CNTNAP2: variants seen among roughly 807,000 people sequenced by gnomAD.
CNTNAP2 encodes the protein contactin associated protein 2, also known as contactin-associated protein-like 2.
CNTNAP2 carries 98 observed loss-of-function variants against 155.2 expected under a neutral mutation model. The ratio of observed to expected loss-of-function variants is 0.63; its 90% CI spans 0.54 to 0.75. The LOEUF (loss-of-function observed/expected upper bound fraction) is 0.75. Among genes scored for constraint, CNTNAP2 ranks in the 30% least tolerant of loss-of-function variants. The pLI is 0.00. For synonymous variants in CNTNAP2, 651 were observed against 631.2 expected (o/e 1.03, Z -0.47); for missense variants, 1,727 against 1,688.1 (o/e 1.02, Z -0.40).
intron 1 of CNTNAP2, among the ~76,000 whole-genome samples, chr7:146,494,455 AG>A (rs1265407290): frequency 1.3e-5 from 2 of 152,154 alleles, no homozygotes; most frequent in African/African-American, 4.8e-5. Flanking sequence ...GAAAAATAAA[AG>A]TTTCCCTGAA....
intron 1 of CNTNAP2, among the ~76,000 whole-genome samples, chr7:146,760,330 A>G (rs907984360): frequency 6.6e-6 from 1 of 150,790 alleles, no homozygotes; most frequent in African/African-American, 2.4e-5. Flanking sequence ...GTCACCTTCT[A>G]AAATATCTTT....
chr7:147,631,440 A>G (rs1795083105), intron 12 of CNTNAP2, among the ~76,000 whole-genome samples: 1 of 152,204 alleles, frequency 6.6e-6, no homozygotes, highest in African/African-American at 2.4e-5. Context: ...AATTTCCATC[A>G]AAGTACCATC....
chr7:146,236,109 T>A (rs1251730554), intron 1 of CNTNAP2, among the ~76,000 whole-genome samples: 2 of 152,140 alleles, frequency 1.3e-5, no homozygotes, highest in African/African-American at 4.8e-5. Flanking sequence ...GATGGGTGCC[T>A]AACACCACCC....
chr7:147,802,741 C>T (rs563376167), intron 13 of CNTNAP2, among the ~76,000 whole-genome samples: 2 of 137,404 alleles, frequency 1.5e-5, no homozygotes, highest in South Asian at 2.5e-4. Flanking sequence ...GTCCAGCTTC[C>T]GCTCGGCATC....
intron 12 of CNTNAP2, among the ~76,000 whole-genome samples, chr7:147,603,162 T>C (rs1800988808): frequency 6.6e-6 from 1 of 151,760 alleles, no homozygotes; most frequent in African/African-American, 2.4e-5. Context: ...TTCCTGACTT[T>C]TTAATGATTG....
chr7:146,974,691 G>T (rs917813678), intron 3 of CNTNAP2, among the ~76,000 whole-genome samples: 1 of 152,056 alleles, frequency 6.6e-6, no homozygotes, highest in African/African-American at 2.4e-5. Flanking sequence ...ATAAAAGAAT[G>T]ACTTACTCTT....
chr7:146,494,024 A>C (rs1272046587), intron 1 of CNTNAP2, among the ~76,000 whole-genome samples: 1 of 152,164 alleles, frequency 6.6e-6, no homozygotes, highest in Non-Finnish European at 1.5e-5. Flanking sequence ...TATTGAAGTA[A>C]ATAAAAAATT....
At position 146,826,786 on chromosome 7, in the gene CNTNAP2, A is replaced by T. The variant is rs568181812; in HGVS notation, c.209-12925A>T. 3.3e-5 allele frequency among the ~76,000 whole-genome samples: 5 copies of T among 151,640 alleles called. No homozygotes were observed. The South Asian group carries it at 1.0e-3, about 32-fold the overall frequency. On this transcript the variant is annotated intron_variant, in intron 2 of 23. Transcript: ENST00000361727. Reference sequence around the variant, plus strand: ...TTGTTAATGACTTAATTTTATGAGGATTTTATTTATGTAAACAATCAAATA... The same window carrying T: ...TTGTTAATGACTTAATTTTATGAGGTTTTTATTTATGTAAACAATCAAATA...
chr7:147,830,447 T>A (rs1798529711), intron 13 of CNTNAP2, among the ~76,000 whole-genome samples: 2 of 152,130 alleles, frequency 1.3e-5, no homozygotes, highest in Admixed American at 6.5e-5. Flanking sequence ...CTTCCTAACA[T>A]CACTTTGGGT....
intron 13 of CNTNAP2, among the ~76,000 whole-genome samples, chr7:147,862,960 T>C (rs945512018): frequency 1.3e-5 from 2 of 152,116 alleles, no homozygotes; most frequent in African/African-American, 2.4e-5. Flanking sequence ...TTTTAAGTTC[T>C]AGGGTACATG....
At chr7:147,361,637 G>T (rs1796148905) in intron 9 of CNTNAP2, among the ~76,000 whole-genome samples, 1 of 152,058 alleles carries the variant, frequency 6.6e-6, no homozygotes, top group Admixed American at 6.6e-5. Flanking sequence ...TATTGAGTAA[G>T]ATAAACTTAC....
At position 148,038,814 on chromosome 7, in the gene CNTNAP2, GGATGGATGGATA is replaced by G. The variant is rs1320913004; in HGVS notation, c.2383+60837_2383+60848del. On this transcript the variant is annotated intron_variant, in intron 15 of 23. Transcript: ENST00000361727. Reference sequence around the variant, plus strand: ...TCCAAAGAGAGAGAGAGAAGCAATAGGATGGATGGATAGATGGATGGATGGATGGATGGATGG... The same window carrying G: ...TCCAAAGAGAGAGAGAGAAGCAATAGGATGGATGGATGGATGGATGGATGG... 5.9e-3 allele frequency among the ~76,000 whole-genome samples: 851 copies of G among 145,210 alleles called. 6 individuals are homozygous for G. Among genetic ancestry groups the G allele is most frequent in the African/African-American group, 0.019 (714 of 38,246 alleles).
intron 1 of CNTNAP2, among the ~76,000 whole-genome samples, chr7:146,554,217 C>A (rs1293274924): frequency 1.3e-5 from 2 of 152,138 alleles, no homozygotes; most frequent in Non-Finnish European, 2.9e-5. Flanking sequence ...TCTGCCAGTG[C>A]TTTAACTTGA....
chr7:147,800,604 T>C (rs1353174934), intron 13 of CNTNAP2, among the ~76,000 whole-genome samples: 1 of 152,156 alleles, frequency 6.6e-6, no homozygotes, highest in Non-Finnish European at 1.5e-5. Context: ...ACTTAGCAAG[T>C]TCTATAGCAT....
At chr7:146,278,239 A>G (rs1284830069) in intron 1 of CNTNAP2, among the ~76,000 whole-genome samples, 1 of 152,174 alleles carries the variant, frequency 6.6e-6, no homozygotes, top group South Asian at 2.1e-4. Context: ...CCCCTTCTGC[A>G]GATAGCTGAT....
At chr7:146,525,334 T>A (rs1271735754) in intron 1 of CNTNAP2, among the ~76,000 whole-genome samples, 2 of 152,116 alleles carry the variant, frequency 1.3e-5, no homozygotes, top group East Asian at 3.9e-4. Flanking sequence ...TGTTGTCACA[T>A]TTACATCTGA....
intron 9 of CNTNAP2, among the ~76,000 whole-genome samples, chr7:147,394,634 C>T (rs2116451578): frequency 6.6e-6 from 1 of 151,988 alleles, no homozygotes; most frequent in East Asian, 1.9e-4. Context: ...TTCTTATGGC[C>T]TACAAATTTT....
chr7:146,884,007 A>G (rs1267669074), intron 3 of CNTNAP2, among the ~76,000 whole-genome samples: 1 of 152,088 alleles, frequency 6.6e-6, no homozygotes, highest in Non-Finnish European at 1.5e-5. Context: ...AAGCATGTAA[A>G]TAGGGCATTT....
intron 13 of CNTNAP2, among the ~76,000 whole-genome samples, chr7:147,855,359 T>C (rs1203001384): frequency 6.6e-6 from 1 of 152,182 alleles, no homozygotes; most frequent in Admixed American, 6.5e-5. Flanking sequence ...GTTACTTACA[T>C]TGCCAGGTGT....
Sources: allele counts gnomAD v4.1 joint callset (sites outside exome capture counted in the v4.1 genomes callset), GRCh38; gene constraint gnomAD v4.1.1; transcripts MANE v1.5; gene names NCBI Gene and HGNC (gene_info 2026-07-23, HGNC 2026-07-21).